Variants in NOX4 observed in about 807,000 individuals in gnomAD.
The protein encoded by NOX4 is kidney oxidase-1.
NOX4 carries 69 observed loss-of-function variants against 87.6 expected under a neutral mutation model. The ratio of observed to expected loss-of-function variants is 0.79; its 90% CI spans 0.65 to 0.96. NOX4 has a LOEUF of 0.96. Ranked by LOEUF, NOX4 falls within the 40% of genes least tolerant of loss-of-function variation. NOX4 has a pLI of 0.00. For synonymous variants in NOX4, 275 were observed against 238.2 expected, an observed-to-expected ratio of 1.15 and a Z score of -1.42; for missense variants, 680 against 681.5, an observed-to-expected ratio of 1.00 and a Z score of 0.02.
the NOX4 span, chr11:89,545,650 C>G: frequency 6.6e-6 from 1 of 151,148 alleles, no homozygotes; most frequent in South Asian, 2.1e-4. Flanking sequence ...GGCATTGTAG[C>G]CCCTGAACTG....
At chr11:89,427,895 C>T (rs1206347644) in intron 7 of NOX4, among the ~76,000 whole-genome samples, 1 of 151,998 alleles carries the variant, frequency 6.6e-6, no homozygotes, top group Non-Finnish European at 1.5e-5. Flanking sequence ...CTCGAGAAGA[C>T]CAACTCAAAG....
the NOX4 span, among the ~76,000 whole-genome samples, chr11:89,518,038 G>A: frequency 1.1e-4 from 16 of 151,764 alleles, no homozygotes; most frequent in Admixed American, 2.0e-4. Flanking sequence ...AAATCTCTTC[G>A]GAAAACAAAC....
the NOX4 span, among the ~76,000 whole-genome samples, chr11:89,528,266 C>T: frequency 1.3e-5 from 2 of 152,102 alleles, no homozygotes; most frequent in Non-Finnish European, 2.9e-5. Context: ...ATTTTACAGG[C>T]TCCTAGGTGA....
intron 11 of NOX4, among the ~76,000 whole-genome samples, chr11:89,394,085 C>A (rs765126993): frequency 4.6e-5 from 7 of 151,022 alleles, no homozygotes; most frequent in Non-Finnish European, 1.0e-4. Context: ...TTACTTAAAG[C>A]CCTTCCAGCT....
chr11:89,372,162 C>T (rs1272600305), intron 12 of NOX4, among the ~76,000 whole-genome samples: 1 of 151,486 alleles, frequency 6.6e-6, no homozygotes, highest in Non-Finnish European at 1.5e-5. Flanking sequence ...TCCATTACTT[C>T]CAATTTCCAT....
chr11:89,545,276 C>T, the NOX4 span: 198 of 152,136 alleles, frequency 1.3e-3, no homozygotes, highest in African/African-American at 4.4e-3. Context: ...TGTTTCTGTC[C>T]AGTAGAAACC....
At chr11:89,501,098 G>T (rs755992991), upstream of NOX4, among the ~76,000 whole-genome samples, 1 of 151,802 alleles carries the variant, frequency 6.6e-6, no homozygotes, top group African/African-American at 2.4e-5. Flanking sequence ...TTTTAATGTC[G>T]TATTTTTGGT....
the NOX4 span, among the ~76,000 whole-genome samples, chr11:89,514,863 A>G: frequency 6.6e-6 from 1 of 151,850 alleles, no homozygotes; most frequent in Admixed American, 6.6e-5. Context: ...ATCATTTTAT[A>G]TGTTCTCTTT....
At chr11:89,571,228 T>C in the NOX4 span, among the ~76,000 whole-genome samples, 5 of 152,198 alleles carry the variant, frequency 3.3e-5, no homozygotes, top group African/African-American at 9.7e-5. Context: ...ATTTTTACTC[T>C]CTTGATGGCA....
At chr11:89,454,328 A>T (rs1171944464) in intron 2 of NOX4, among the ~76,000 whole-genome samples, 1 of 152,110 alleles carries the variant, frequency 6.6e-6, no homozygotes, top group African/African-American at 2.4e-5. Flanking sequence ...TAATCATCAG[A>T]TCTACTCTGA....
At chr11:89,445,257 G>A (rs1186535912) in intron 4 of NOX4, among the ~76,000 whole-genome samples, 3 of 151,952 alleles carry the variant, frequency 2.0e-5, no homozygotes, top group Admixed American at 6.6e-5. Context: ...TTCAAAAGAA[G>A]ACATAGCCTG....
intron 7 of NOX4, among the ~76,000 whole-genome samples, chr11:89,430,084 C>A (rs987194225): frequency 1.3e-5 from 2 of 152,148 alleles, no homozygotes; most frequent in Admixed American, 6.5e-5. Context: ...AGCATATAAA[C>A]AGAACCAAAG....
rs554073330 is a variant in NOX4 at position 89,348,306 on chromosome 11, T to C, written c.1218-6113A>G. On this transcript the variant is annotated intron_variant, in intron 13 of 17. Coordinates refer to ENST00000263317, the MANE Select transcript of NOX4 (RefSeq NM_016931.5). ...AGCACATGCCTGTAAGCCCAGCTACTTGGGAGGCTGAGGCACGAAAACTTC... is the reference window on the plus strand; with the variant it reads ...AGCACATGCCTGTAAGCCCAGCTACCTGGGAGGCTGAGGCACGAAAACTTC... Among the ~76,000 whole-genome samples the C allele has an allele frequency of 5.3e-5, 8 of 152,138 alleles. No homozygotes were observed. In the East Asian group the frequency reaches 9.7e-4, roughly 18 times the overall value.
At chr11:89,552,996 C>T in the NOX4 span, among the ~76,000 whole-genome samples, 1 of 152,048 alleles carries the variant, frequency 6.6e-6, no homozygotes. Flanking sequence ...AAGCAATGTG[C>T]TTGGTTTTAA....
At chr11:89,561,023 TACACACACACATACAC>T in the NOX4 span, among the ~76,000 whole-genome samples, 2 of 71,310 alleles carry the variant, frequency 2.8e-5, no homozygotes, top group African/African-American at 1.2e-4. Flanking sequence ...TATATATACA[TACACACACACATACAC>T]ATATATCATA....
At chr11:89,422,653 T>C (rs1030619845) in intron 7 of NOX4, among the ~76,000 whole-genome samples, 1 of 152,168 alleles carries the variant, frequency 6.6e-6, no homozygotes, top group Non-Finnish European at 1.5e-5. Context: ...AAAAGCTTCC[T>C]AGATGAATCT....
At chr11:89,331,643 AGG>A (rs1415282486) in intron 17 of NOX4, among the ~76,000 whole-genome samples, 2 of 151,820 alleles carry the variant, frequency 1.3e-5, no homozygotes, top group African/African-American at 4.8e-5. Flanking sequence ...TGGCTTTGAC[AGG>A]GCAATTATAG....
intron 2 of NOX4, among the ~76,000 whole-genome samples, chr11:89,486,696 ACATATATGTG>A (rs1946639401): frequency 2.0e-4 from 8 of 39,782 alleles, no homozygotes; most frequent in African/African-American, 8.4e-4. Context: ...GTGTATATAT[ACATATATGTG>A]TGTATATATG....
At chr11:89,363,042 T>A (rs1020676174) in intron 12 of NOX4, among the ~76,000 whole-genome samples, 11 of 152,260 alleles carry the variant, frequency 7.2e-5, no homozygotes, top group African/African-American at 1.4e-4. Context: ...TTTCCTTTTT[T>A]AAATAATTTT....
Sources: gnomAD v4.1 joint callset for allele counts (sites outside exome capture counted in the v4.1 genomes callset) on GRCh38, gnomAD v4.1.1 for gene constraint, MANE v1.5 for transcripts, NCBI Gene and HGNC (gene_info 2026-07-23, HGNC 2026-07-21) for gene names.